The following MN1 variants were observed in gnomAD, a reference collection of about 807,000 sequenced individuals.
MN1 encodes the protein MN1 proto-oncogene, transcriptional regulator.
A neutral mutation model predicts 86.9 loss-of-function variants in MN1; 19 were observed. The ratio of observed to expected loss-of-function variants is 0.22; its 90% CI spans 0.15 to 0.32. MN1 has a LOEUF of 0.32. MN1 is among the 10% of genes least tolerant of loss of function. The probability of loss-of-function intolerance (pLI) is 1.00; values close to 1 mark genes in which losing one functional copy is unlikely to be tolerated. For synonymous variants in MN1, 928 were observed against 849.6 expected, an observed-to-expected ratio of 1.09 and a Z score of -1.60; for missense variants, 1,841 against 1,862.0, an observed-to-expected ratio of 0.99 and a Z score of 0.21.
At chr22:27,752,505 G>A (rs921081617) in intron 1 of MN1, among the ~76,000 whole-genome samples, 1 of 152,126 alleles carries the variant, frequency 6.6e-6, no homozygotes, top group East Asian at 1.9e-4. Flanking sequence ...AAGCACCACA[G>A]ATCACAGGGA....
Position 27,800,631 on chromosome 22 carries a change from G to T in MN1, c.-88C>A. ...CGGCCAGCTACTCGTTCCAGCCCAGGATTGGGCGCTCCGGGACGCTCAGCA... is the reference window on the plus strand; with the variant it reads ...CGGCCAGCTACTCGTTCCAGCCCAGTATTGGGCGCTCCGGGACGCTCAGCA... On this transcript the variant is annotated 5_prime_UTR_variant, in exon 1 of 2. Transcript: ENST00000302326. 6.3e-7 allele frequency: 1 copy of T among 1,587,598 alleles called. No homozygotes were observed.
chr22:27,783,167 C>A (rs1173453615), intron 1 of MN1, among the ~76,000 whole-genome samples: 1 of 149,670 alleles, frequency 6.7e-6, no homozygotes, highest in Non-Finnish European at 1.5e-5. Context: ...CAGAGTCTTG[C>A]TCTGTTGCCC....
Position 27,800,208 on chromosome 22 carries a change from G to T in MN1, c.336C>A (p.Pro112=). 6.4e-7 allele frequency: 1 copy of T among 1,568,276 alleles called. No individual in the cohort carries two copies. ...PGSHHPHQHH[P]HFGGNFGGPD... ...GGCCACCGAAGTTGCCCCCAAAGTG[G>T]GGGTGATGCTGGTGGGGATGATGAC... The change falls in exon 1 of 2, where the codon CCC becomes CCA. Residue 112 remains proline (P), a synonymous_variant. Coordinates refer to ENST00000302326, the MANE Select transcript of MN1 (RefSeq NM_002430.3).
chr22:27,762,573 TC>T, intron 1 of MN1, among the ~76,000 whole-genome samples: 1 of 152,074 alleles, frequency 6.6e-6, no homozygotes, highest in East Asian at 1.9e-4. Flanking sequence ...AGCACAGCCC[TC>T]CCCCTCTCTG....
chr22:27,799,837 G>A lies in MN1; in HGVS notation c.707C>T (p.Pro236Leu). The change falls in exon 1 of 2, where the codon CCG becomes CTG. Residue 236 changes from proline (P) to leucine (L), a missense_variant. Transcript: ENST00000302326. ...GAVDSLEYNYPGEAPSGHFDM... is the reference protein window; with the variant it reads ...GAVDSLEYNYLGEAPSGHFDM... ...AAAATGTCCCGAGGGCGCCTCGCCCGGGTAATTGTATTCCAGCGAGTCGAC... is the reference window on the plus strand; with the variant it reads ...AAAATGTCCCGAGGGCGCCTCGCCCAGGTAATTGTATTCCAGCGAGTCGAC... 1 of 1,599,776 alleles carries A rather than the reference G, an allele frequency of 6.3e-7. No individual in the cohort carries two copies.
In MN1 at chr22:27,800,710, G is replaced by A; in HGVS notation, c.-167C>T. The A allele has an allele frequency of 1.3e-6, 1 of 773,620 alleles. No homozygotes were observed. The highest frequency in any genetic ancestry group is 1.8e-5 in the South Asian group (1 of 57,058). The allele number at this position is 773,620 out of a possible 1,614,324, so 47.9% of individuals were successfully genotyped here. A position where few individuals can be genotyped will look rare whatever the true frequency, so the allele number is the denominator to read the frequency against. On this transcript the variant is annotated 5_prime_UTR_variant, in exon 1 of 2. Coordinates refer to ENST00000302326, the MANE Select transcript of MN1 (RefSeq NM_002430.3). Reference sequence around the variant, plus strand: ...CCGCCTGATGTGAGGGACGGGGGGCGGGGTATTAGCTCCTCTCCTGAAGCT... The same window carrying A: ...CCGCCTGATGTGAGGGACGGGGGGCAGGGTATTAGCTCCTCTCCTGAAGCT...
chr22:27,753,665 T>C (rs1932783723), intron 1 of MN1, among the ~76,000 whole-genome samples: 1 of 152,104 alleles, frequency 6.6e-6, no homozygotes. Context: ...AGCTAGTTAG[T>C]AGTGGTGAAA....
chr22:27,794,817 GT>G (rs71194737), intron 1 of MN1, among the ~76,000 whole-genome samples: 27,542 of 128,656 alleles, frequency 0.21, 2,825 homozygotes, highest in Middle Eastern at 0.34. Flanking sequence ...CAGGGTTGTT[GT>G]TTTTTTTTTT....
At position 27,800,000 on chromosome 22, in the gene MN1, A is replaced by G. The variant is rs1469107313; in HGVS notation, c.544T>C (p.Ser182Pro). The part of the protein sequence containing the change: ...NLPDFHSSGA[S>P]SHAVPAPCLP... ...CATGGGGCCGGCACGGCGTGGCTGG[A>G]GGCACCTGAACTGTGGAAGTCCGGG... The change falls in exon 1 of 2, where the codon TCC becomes CCC. Residue 182 changes from serine to proline, a missense_variant. Coordinates refer to ENST00000302326, the MANE Select transcript of MN1 (RefSeq NM_002430.3). 6.2e-7 allele frequency: 1 copy of G among 1,603,876 alleles called. No homozygotes were observed. The highest frequency in any genetic ancestry group is 8.5e-7 in the Non-Finnish European group (1 of 1,178,082).
chr22:27,798,437 C>A lies in MN1; in HGVS notation c.2107G>T (p.Gly703Trp). 6.4e-7 allele frequency: 1 copy of A among 1,556,606 alleles called. No homozygotes were observed. Among genetic ancestry groups the A allele is most frequent in the East Asian group, 2.4e-5 (1 of 41,522 alleles). ...TGACCCAGGCCTCCCAGACTGCCCC[C>A]GAACTGCAGGCCCGGTGAAGGCAGC... ...PALPSPGLQF[G>W]GSLGGLGQLQ... Residue 703 changes from glycine to tryptophan, a missense_variant, in exon 1 of 2, where the codon GGG (glycine) becomes TGG (tryptophan). Physicochemically the swap from Gly to Trp is radical, Grantham distance 184. Coordinates refer to ENST00000302326, the MANE Select transcript of MN1 (RefSeq NM_002430.3).
chr22:27,761,319 C>T (rs1179414944), intron 1 of MN1, among the ~76,000 whole-genome samples: 1 of 151,552 alleles, frequency 6.6e-6, no homozygotes, highest in African/African-American at 2.4e-5. Context: ...CCTCTTTCTG[C>T]CCCTCCATCC....
chr22:27,756,548 GC>G (rs1448017299), intron 1 of MN1, among the ~76,000 whole-genome samples: 1 of 152,156 alleles, frequency 6.6e-6, no homozygotes, highest in Non-Finnish European at 1.5e-5. Context: ...GAAGGACAGA[GC>G]CCAACAACTG....
rs45510891 is a variant in MN1 at position 27,764,551 on chromosome 22, C to T, written c.3782-13455G>A. ...GCTCTGTGCATTACATCACCAAGTC[C>T]TCTCTGAGGCTACAGGTAGGGAATC... On this transcript the variant is annotated intron_variant, in intron 1 of 1. Transcript: ENST00000302326. 1.3e-3 allele frequency among the ~76,000 whole-genome samples: 199 copies of T among 152,318 alleles called. 4 individuals are homozygous for T. The highest frequency in any genetic ancestry group is 0.01 in the Admixed American group (156 of 15,306).
At position 27,798,425 on chromosome 22, in the gene MN1, C is replaced by G. The variant is rs1323662445; in HGVS notation, c.2119G>C (p.Gly707Arg). 1 of 1,547,872 alleles carries G rather than the reference C, an allele frequency of 6.5e-7. No individual in the cohort carries two copies. Among genetic ancestry groups the G allele is most frequent in the East Asian group, 2.4e-5 (1 of 41,030 alleles). The change falls in exon 1 of 2, where the codon GGA becomes CGA. Residue 707 changes from glycine (G) to arginine (R), a missense_variant. By Grantham distance (125) the Gly-to-Arg change is moderately radical. Coordinates refer to ENST00000302326, the MANE Select transcript of MN1 (RefSeq NM_002430.3). The part of the protein sequence containing the change: ...SPGLQFGGSL[G>R]GLGQLQSPGA... ...GGCGACTGCAGCTGACCCAGGCCTC[C>G]CAGACTGCCCCCGAACTGCAGGCCC...
At position 27,794,604 on chromosome 22, in the gene MN1, A is replaced by C. The variant is rs1459146101; in HGVS notation, c.3781+2159T>G. On this transcript the variant is annotated intron_variant, in intron 1 of 1. Coordinates refer to ENST00000302326, the MANE Select transcript of MN1 (RefSeq NM_002430.3). Reference sequence around the variant, plus strand: ...ATTCATCTGACTGTGATGATGACACAAACAAAACATTTCTTTGGTGACATT... The same window carrying C: ...ATTCATCTGACTGTGATGATGACACCAACAAAACATTTCTTTGGTGACATT... 2.0e-5 allele frequency among the ~76,000 whole-genome samples: 3 copies of C among 152,328 alleles called. No individual in the cohort carries two copies. In the East Asian group the frequency reaches 5.8e-4, roughly 29 times the overall value.
At chr22:27,795,218 T>C (rs1007979642) in intron 1 of MN1, among the ~76,000 whole-genome samples, 3 of 152,076 alleles carry the variant, frequency 2.0e-5, no homozygotes, top group Admixed American at 6.6e-5. Flanking sequence ...CCGGGCGTCC[T>C]GGGCTGGGCA....
chr22:27,798,906 CTGCTGTTGCTGT>C lies in MN1; in HGVS notation c.1626_1637del (p.Gln547_Gln550del), dbSNP rs202212250. The C allele has an allele frequency of 6.5e-7, 1 of 1,546,712 alleles. No homozygotes were observed. The highest frequency in any genetic ancestry group is 1.4e-5 in the African/African-American group (1 of 72,990). Reference sequence around the variant, plus strand: ...CCGCGTTTTGGCGCTGCTGCTGCTGCTGCTGTTGCTGTTGCTGTTGCTGCTGCTGCTGCTGCT... The same window carrying C: ...CCGCGTTTTGGCGCTGCTGCTGCTGCTGCTGTTGCTGCTGCTGCTGCTGCT... On this transcript the variant is annotated inframe_deletion, in exon 1 of 2. Coordinates refer to ENST00000302326, the MANE Select transcript of MN1 (RefSeq NM_002430.3).
chr22:27,786,748 G>A (rs1324893469), intron 1 of MN1, among the ~76,000 whole-genome samples: 2 of 151,732 alleles, frequency 1.3e-5, no homozygotes, highest in African/African-American at 2.4e-5. Context: ...GGCGCCACTC[G>A]CCTCCTCTTC....
chr22:27,752,960 G>A (rs762263444), intron 1 of MN1, among the ~76,000 whole-genome samples: 2 of 152,196 alleles, frequency 1.3e-5, no homozygotes, highest in Non-Finnish European at 2.9e-5. Context: ...TTAAGCAGGA[G>A]GCCTCCCCCA....
Sources: gnomAD v4.1 joint callset for allele counts (sites outside exome capture counted in the v4.1 genomes callset) on GRCh38, gnomAD v4.1.1 for gene constraint, MANE v1.5 for transcripts, NCBI Gene and HGNC (gene_info 2026-07-23, HGNC 2026-07-21) for gene names.